Variants in FAT3 observed in about 807,000 individuals in gnomAD.
The protein encoded by FAT3 is FAT atypical cadherin 3, also known as protocadherin Fat 3.
FAT3 carries 95 observed loss-of-function variants against 310.2 expected under a neutral mutation model. That is an observed-to-expected ratio of 0.31 (90% CI 0.26 to 0.36). FAT3 has a LOEUF of 0.36. FAT3 is among the 10% of genes least tolerant of loss of function. The probability of loss-of-function intolerance (pLI) is 1.00; values close to 1 mark genes in which losing one functional copy is unlikely to be tolerated. For missense variants in FAT3, 5,408 were observed against 5,715.6 expected (o/e 0.95, Z 1.74); for synonymous variants, 2,314 against 2,192.9 (o/e 1.06, Z -1.54).
At chr11:92,423,386 C>T (rs1950569655) in intron 2 of FAT3, among the ~76,000 whole-genome samples, 1 of 152,038 alleles carries the variant, frequency 6.6e-6, no homozygotes, top group Non-Finnish European at 1.5e-5. Context: ...TATTGTGAGT[C>T]ATGAAGAAGT....
intron 3 of FAT3, among the ~76,000 whole-genome samples, chr11:92,533,194 A>G (rs1260746446): frequency 6.6e-6 from 1 of 151,856 alleles, no homozygotes; most frequent in African/African-American, 2.4e-5. Context: ...GTATCCAGTT[A>G]TTATTATTAT....
intron 2 of FAT3, among the ~76,000 whole-genome samples, chr11:92,455,448 C>A (rs1414166690): frequency 6.6e-6 from 1 of 152,096 alleles, no homozygotes; most frequent in Admixed American, 6.6e-5. Context: ...GTTGTTAATT[C>A]ATGGGCTGAT....
chr11:92,665,821 G>A (rs1942930887), intron 3 of FAT3, among the ~76,000 whole-genome samples: 1 of 152,152 alleles, frequency 6.6e-6, no homozygotes, highest in Non-Finnish European at 1.5e-5. Context: ...GACATTTCCT[G>A]TGGTGGAAAG....
chr11:92,304,956 G>A (rs1330169098), intron 1 of FAT3, among the ~76,000 whole-genome samples: 1 of 152,082 alleles, frequency 6.6e-6, no homozygotes, highest in East Asian at 1.9e-4. Context: ...TTCAATTCTG[G>A]ACCAGAACAA....
At chr11:92,245,729 A>G (rs1406672007) in intron 1 of FAT3, among the ~76,000 whole-genome samples, 6 of 152,154 alleles carry the variant, frequency 3.9e-5, no homozygotes, top group Admixed American at 3.3e-4. Flanking sequence ...GGGCATGGTT[A>G]TGTTTGAATA....
intron 18 of FAT3, 50 bp from the exon 19 acceptor site, chr11:92,843,884 T>C (rs767802278): frequency 1.1e-5 from 16 of 1,511,672 alleles, no homozygotes; most frequent in Non-Finnish European, 1.4e-5. Context: ...AAAAACTTAC[T>C]ATGATTAGTT....
At chr11:92,317,427 C>T (rs1170429456) in intron 1 of FAT3, among the ~76,000 whole-genome samples, 3 of 152,096 alleles carry the variant, frequency 2.0e-5, no homozygotes, top group African/African-American at 7.2e-5. Flanking sequence ...AAGTGCTGGC[C>T]AAGGTAGCCT....
At chr11:92,396,262 A>G (rs1378774603) in intron 2 of FAT3, among the ~76,000 whole-genome samples, 1 of 152,160 alleles carries the variant, frequency 6.6e-6, no homozygotes, top group Non-Finnish European at 1.5e-5. Context: ...TTCTGAGGAA[A>G]CAGACACTTG....
intron 1 of FAT3, among the ~76,000 whole-genome samples, chr11:92,350,798 C>T (rs939111273): frequency 6.6e-6 from 1 of 152,132 alleles, no homozygotes; most frequent in African/African-American, 2.4e-5. Flanking sequence ...GTGCCTACAT[C>T]ATTACATGCC....
At chr11:92,283,155 A>G (rs1473660998) in intron 1 of FAT3, among the ~76,000 whole-genome samples, 1 of 152,140 alleles carries the variant, frequency 6.6e-6, no homozygotes, top group Non-Finnish European at 1.5e-5. Flanking sequence ...ATCCTTGGAA[A>G]AATCTTCCTC....
At chr11:92,733,479 C>G (rs1044420842) in intron 4 of FAT3, among the ~76,000 whole-genome samples, 10 of 151,852 alleles carry the variant, frequency 6.6e-5, no homozygotes, top group African/African-American at 2.2e-4. Context: ...GGCTTGAATA[C>G]CAGATATGAG....
At chr11:92,712,289 A>G (rs1944549180) in intron 4 of FAT3, among the ~76,000 whole-genome samples, 3 of 152,140 alleles carry the variant, frequency 2.0e-5, no homozygotes. Flanking sequence ...TGGAGCTATT[A>G]AGAAAAAGGG....
intron 3 of FAT3, among the ~76,000 whole-genome samples, chr11:92,688,084 C>G (rs1427265198): frequency 6.6e-6 from 1 of 151,898 alleles, no homozygotes; most frequent in Non-Finnish European, 1.5e-5. Flanking sequence ...CACCGGTAGT[C>G]TCAGCTACTT....
chr11:92,794,066 CAA>C (rs939935529), intron 9 of FAT3, among the ~76,000 whole-genome samples: 4 of 152,144 alleles, frequency 2.6e-5, no homozygotes, highest in African/African-American at 9.7e-5. Context: ...TTCATAATAG[CAA>C]AGTTTCCGGA....
At chr11:92,848,779 C>T (rs1394801025) in intron 19 of FAT3, among the ~76,000 whole-genome samples, 6 of 152,226 alleles carry the variant, frequency 3.9e-5, no homozygotes, top group Non-Finnish European at 1.5e-5. Context: ...CCAGCCATGC[C>T]CTCAACCAGT....
At chr11:92,627,666 C>T (rs1941387053) in intron 3 of FAT3, among the ~76,000 whole-genome samples, 1 of 152,158 alleles carries the variant, frequency 6.6e-6, no homozygotes, top group African/African-American at 2.4e-5. Flanking sequence ...ATTCTAGTCT[C>T]ACCTTTGTAA....
At position 92,798,949 on chromosome 11, in the gene FAT3, G is replaced by A; in HGVS notation, c.5936G>A (p.Gly1979Asp). 6.2e-7 allele frequency: 1 copy of A among 1,613,930 alleles called. No homozygotes were observed. The highest frequency in any genetic ancestry group is 1.7e-5 in the Admixed American group (1 of 60,020). The stretch of plus-strand genomic sequence containing the variant: ...ATGGTTAAAGAAGCCATGGACAGCG[G>A]CCTCCACTTTACACAAAGCTTCTAT... ...TIMVKEAMDSGLHFTQSFYST... is the reference protein window; with the variant it reads ...TIMVKEAMDSDLHFTQSFYST... Residue 1979 changes from glycine to aspartate, a missense_variant, in exon 10 of 28, where the codon GGC (glycine) becomes GAC (aspartate). Gly to Asp is a moderately conservative substitution (Grantham distance 94). Around this residue, in one of 5 missense-constraint regions of FAT3, gnomAD observed 4,588 missense variants for 4,809.8 expected, o/e 0.95. Transcript: ENST00000525166.
chr11:92,644,368 T>C (rs1942074955), intron 3 of FAT3, among the ~76,000 whole-genome samples: 3 of 152,202 alleles, frequency 2.0e-5, no homozygotes, highest in Admixed American at 6.5e-5. Context: ...AATTTTGAGA[T>C]GTCAAGCCAA....
At chr11:92,340,935 C>T (rs979943454) in intron 1 of FAT3, among the ~76,000 whole-genome samples, 1 of 152,016 alleles carries the variant, frequency 6.6e-6, no homozygotes, top group Admixed American at 6.6e-5. Context: ...TGCGGAGATC[C>T]GGAAGACTAG....
Sources: gnomAD v4.1 joint callset for allele counts (sites outside exome capture counted in the v4.1 genomes callset) on GRCh38, gnomAD v4.1.1 for gene constraint, gnomAD v4.1.1 regional missense constraint, MANE v1.5 for transcripts, NCBI Gene and HGNC (gene_info 2026-07-23, HGNC 2026-07-21) for gene names.